RBFOX1: variants seen among roughly 807,000 people sequenced by gnomAD.
The protein encoded by RBFOX1 is RNA binding protein fox-1 homolog 1.
RBFOX1 carries 8 observed loss-of-function variants against 57.7 expected under a neutral mutation model. The observed-to-expected ratio is 0.14, with a 90% confidence interval of 0.08 to 0.25. RBFOX1 has a LOEUF of 0.25. Among genes scored for constraint, RBFOX1 ranks in the 10% least tolerant of loss-of-function variants. The pLI is 1.00. For missense variants in RBFOX1, 611 were observed against 548.5 expected, an observed-to-expected ratio of 1.11 and a Z score of -1.14; for synonymous variants, 326 against 222.4, an observed-to-expected ratio of 1.47 and a Z score of -4.15.
rs531634172 is a variant in RBFOX1 at position 6,859,382 on chromosome 16, G to A, written c.-15-192675G>A. The stretch of plus-strand genomic sequence containing the variant: ...TCTCTGTTCTCCTCAAACAGATGAC[G>A]CTTTTGCCCATACTTGGCTCTAATA... On this transcript the variant is annotated intron_variant, in intron 3 of 15. Transcript: ENST00000550418. 7.7e-4 allele frequency among the ~76,000 whole-genome samples: 116 copies of A among 151,562 alleles called. 1 individual carries two copies. The highest frequency in any genetic ancestry group is 7.3e-5 in the African/African-American group (3 of 41,280).
chr16:7,395,982 C>T (rs935777388), intron 4 of RBFOX1, among the ~76,000 whole-genome samples: 6 of 152,112 alleles, frequency 3.9e-5, no homozygotes, highest in South Asian at 2.1e-4. Context: ...GAGCATCTAT[C>T]GGCAGGGCTT....
intron 3 of RBFOX1, among the ~76,000 whole-genome samples, chr16:5,698,564 A>G (rs2050919563): frequency 6.6e-6 from 1 of 152,204 alleles, no homozygotes; most frequent in African/African-American, 2.4e-5. Context: ...TCTAAACAAA[A>G]ATACTGTATG....
chr16:5,821,720 C>T (rs187448967), intron 3 of RBFOX1, among the ~76,000 whole-genome samples: 21 of 152,224 alleles, frequency 1.4e-4, no homozygotes, highest in Admixed American at 5.9e-4. Context: ...TTAATTTTCT[C>T]GTAGTTCTGG....
At chr16:7,291,805 A>G (rs182422870) in intron 4 of RBFOX1, among the ~76,000 whole-genome samples, 23 of 151,352 alleles carry the variant, frequency 1.5e-4, no homozygotes, top group African/African-American at 5.3e-4. Context: ...GTCTGATGCA[A>G]TGGCTTTCAA....
intron 4 of RBFOX1, among the ~76,000 whole-genome samples, chr16:7,477,014 C>G (rs12103232): frequency 6.6e-6 from 1 of 152,092 alleles, no homozygotes; most frequent in Non-Finnish European, 1.5e-5. Context: ...GGGAAGTGTA[C>G]CTAACACTTG....
chr16:6,901,586 C>G (rs1434774049), intron 3 of RBFOX1, among the ~76,000 whole-genome samples: 1 of 152,132 alleles, frequency 6.6e-6, no homozygotes, highest in Non-Finnish European at 1.5e-5. Flanking sequence ...CTCAATTATG[C>G]TGTGAGAGGC....
intron 4 of RBFOX1, among the ~76,000 whole-genome samples, chr16:7,502,952 C>T (rs527945389): frequency 6.6e-6 from 1 of 152,050 alleles, no homozygotes; most frequent in Non-Finnish European, 1.5e-5. Flanking sequence ...GAATCTGGGA[C>T]ACTGAGGTTG....
At chr16:5,827,732 A>G (rs1056702126) in intron 3 of RBFOX1, among the ~76,000 whole-genome samples, 1 of 152,150 alleles carries the variant, frequency 6.6e-6, no homozygotes, top group Non-Finnish European at 1.5e-5. Context: ...TCCCCTTGCT[A>G]TAATGGCCAT....
At chr16:5,476,749 C>G (rs1286943063) in intron 2 of RBFOX1, among the ~76,000 whole-genome samples, 6 of 152,216 alleles carry the variant, frequency 3.9e-5, no homozygotes, top group Admixed American at 3.9e-4. Context: ...TCTTGGGTGC[C>G]TCTGGGTTTG....
Position 5,704,321 on chromosome 16 carries a change from G to T in RBFOX1, c.318+105360G>T, listed in dbSNP as rs187284757. ...TCTGGAGCCTAATCCATCACTAGAA[G>T]GTAGAAATTAAGTACTCTCTGCTTA... On this transcript the variant is annotated intron_variant, in intron 3 of 19. Coordinates refer to the RBFOX1 transcript ENST00000641259. Among the ~76,000 whole-genome samples, 178 of 152,154 alleles carry T rather than the reference G, an allele frequency of 1.2e-3. 2 individuals are homozygous for T. The highest frequency in any genetic ancestry group is 3.9e-3 in the African/African-American group (163 of 41,522).
intron 2 of RBFOX1, among the ~76,000 whole-genome samples, chr16:6,321,006 C>G (rs886241505): frequency 1.3e-5 from 2 of 152,186 alleles, no homozygotes; most frequent in Admixed American, 6.5e-5. Flanking sequence ...GTTGGCCAGG[C>G]TAGTCTCGAA....
chr16:5,661,787 CT>C (rs1042001285), intron 3 of RBFOX1, among the ~76,000 whole-genome samples: 4 of 152,060 alleles, frequency 2.6e-5, no homozygotes, highest in South Asian at 4.2e-4. Flanking sequence ...AAAACTTAGC[CT>C]TTTTTTATTT....
At chr16:5,829,227 C>T (rs1171794508) in intron 3 of RBFOX1, among the ~76,000 whole-genome samples, 2 of 152,124 alleles carry the variant, frequency 1.3e-5, no homozygotes, top group African/African-American at 2.4e-5. Context: ...AGGCAGGGAC[C>T]GTCCTGCAGA....
rs191364781 is a variant in RBFOX1, at chr16:7,499,854, A to T, written c.28-18293A>T. 2.7e-3 allele frequency among the ~76,000 whole-genome samples: 413 copies of T among 152,086 alleles called. 1 individual carries two copies. Among genetic ancestry groups the T allele is most frequent in the South Asian group, 4.6e-3 (22 of 4,818 alleles). On this transcript the variant is annotated intron_variant, in intron 4 of 15. Coordinates refer to ENST00000550418, the MANE Select transcript of RBFOX1 (RefSeq NM_018723.4). ...ACAATATCCTAAGTTGCACACAATT[A>T]TTGGGCCAGACTTCTACACTGTGAG...
At chr16:7,612,578 C>G (rs906217709) in intron 10 of RBFOX1, among the ~76,000 whole-genome samples, 22 of 151,562 alleles carry the variant, frequency 1.5e-4, no homozygotes, top group Admixed American at 1.1e-3. Flanking sequence ...CTTTCTCTGT[C>G]ATTGTGAGAA....
chr16:7,494,136 G>C (rs936035610), intron 4 of RBFOX1, among the ~76,000 whole-genome samples: 2 of 152,162 alleles, frequency 1.3e-5, no homozygotes, highest in Non-Finnish European at 2.9e-5. Flanking sequence ...GGTGAGAAGA[G>C]ATAATTCACA....
chr16:7,288,347 C>G (rs1293736503), intron 4 of RBFOX1, among the ~76,000 whole-genome samples: 1 of 152,170 alleles, frequency 6.6e-6, no homozygotes, highest in Non-Finnish European at 1.5e-5. Flanking sequence ...GTGAGAAAAT[C>G]ACACTCATCT....
chr16:5,440,082 C>T (rs1051279528), intron 1 of RBFOX1, among the ~76,000 whole-genome samples: 1 of 152,114 alleles, frequency 6.6e-6, no homozygotes, highest in East Asian at 1.9e-4. Context: ...GATTTATCCT[C>T]CTGAAATGAG....
chr16:5,295,465 C>T (rs376446676), intron 1 of RBFOX1, among the ~76,000 whole-genome samples: 1 of 152,198 alleles, frequency 6.6e-6, no homozygotes, highest in Admixed American at 6.5e-5. Context: ...TGCAAGGCTG[C>T]AGCCGTAGTG....
Sources: gnomAD v4.1 joint callset for allele counts (sites outside exome capture counted in the v4.1 genomes callset) on GRCh38, gnomAD v4.1.1 for gene constraint, MANE v1.5 for transcripts, NCBI Gene and HGNC (gene_info 2026-07-23, HGNC 2026-07-21) for gene names.